SOX6: variants seen among roughly 807,000 people sequenced by gnomAD.
The protein encoded by SOX6 is transcription factor SOX-6.
Under a neutral mutation model 97.8 loss-of-function variants are expected in SOX6, and 11 were observed. The ratio of observed to expected loss-of-function variants is 0.11; its 90% CI spans 0.07 to 0.19. SOX6 has a LOEUF of 0.19. Among genes scored for constraint, SOX6 ranks in the 10% least tolerant of loss-of-function variants. The pLI, the probability that SOX6 is intolerant of heterozygous loss-of-function variation, is 1.00. For missense variants in SOX6, 810 were observed against 1,039.5 expected (o/e 0.78, Z 3.04); for synonymous variants, 360 against 371.4 (o/e 0.97, Z 0.35).
chr11:16,048,067 T>C (rs1462069731), intron 11 of SOX6, among the ~76,000 whole-genome samples: 1 of 152,134 alleles, frequency 6.6e-6, no homozygotes, highest in Non-Finnish European at 1.5e-5. Flanking sequence ...GCAGGGCCTG[T>C]GACTCAGTCA....
intron 4 of SOX6, among the ~76,000 whole-genome samples, chr11:16,561,107 A>C (rs1389962401): frequency 5.3e-5 from 8 of 152,184 alleles, no homozygotes; most frequent in Admixed American, 5.2e-4. Flanking sequence ...GTTCCCAAAA[A>C]ACTATTGAAA....
At chr11:16,581,035 C>T (rs536335320) in intron 4 of SOX6, among the ~76,000 whole-genome samples, 16 of 152,036 alleles carry the variant, frequency 1.1e-4, no homozygotes, top group Non-Finnish European at 1.5e-4. Flanking sequence ...GAAGACAGTG[C>T]GGCGATTCCT....
chr11:16,547,290 A>AT (rs1847632438), intron 4 of SOX6, among the ~76,000 whole-genome samples: 1 of 152,136 alleles, frequency 6.6e-6, no homozygotes. Context: ...GGAAATCAGC[A>AT]TGTCAAAGGG....
In SOX6 at chr11:15,969,737, G is replaced by A. The variant is rs2119736852; in HGVS notation, c.*3072C>T. On this transcript the variant is annotated 3_prime_UTR_variant, in exon 16 of 16. Coordinates refer to ENST00000683767, the MANE Select transcript of SOX6 (RefSeq NM_001367873.1). ...CAATTAGAAAAATCTAAAATGAGATGGTAAAGTCATATAAACTTTGTTTAA... is the reference window on the plus strand; with the variant it reads ...CAATTAGAAAAATCTAAAATGAGATAGTAAAGTCATATAAACTTTGTTTAA... The A allele has an allele frequency of 6.6e-6, 1 of 152,192 alleles. No individual in the cohort carries two copies. The highest frequency in any genetic ancestry group is 2.1e-4 in the South Asian group (1 of 4,822). 9.4% of individuals were successfully genotyped at this position (152,192 alleles called of 1,614,324 possible).
At chr11:16,586,866 A>G (rs1451948957) in intron 4 of SOX6, among the ~76,000 whole-genome samples, 1 of 152,258 alleles carries the variant, frequency 6.6e-6, no homozygotes, top group East Asian at 1.9e-4. Flanking sequence ...GCATTATACC[A>G]TAACTGAAAC....
At chr11:16,307,177 A>C (rs1383228723) in intron 3 of SOX6, among the ~76,000 whole-genome samples, 1 of 152,212 alleles carries the variant, frequency 6.6e-6, no homozygotes, top group South Asian at 2.1e-4. Flanking sequence ...AATGAATGTT[A>C]TTCTAGGCAT....
intron 3 of SOX6, among the ~76,000 whole-genome samples, chr11:16,640,323 T>C (rs1052032485): frequency 7.9e-5 from 12 of 152,370 alleles, no homozygotes; most frequent in African/African-American, 2.9e-4. Flanking sequence ...AGTATTTTAC[T>C]GAGGATTTTT....
intron 4 of SOX6, among the ~76,000 whole-genome samples, chr11:16,523,537 T>A (rs2133163180): frequency 6.6e-6 from 1 of 151,302 alleles, no homozygotes; most frequent in African/African-American, 2.4e-5. Context: ...GCAGGAAAGA[T>A]CTAAAATTGA....
At chr11:16,540,255 C>G (rs1007967911) in intron 4 of SOX6, among the ~76,000 whole-genome samples, 2 of 152,024 alleles carry the variant, frequency 1.3e-5, no homozygotes, top group African/African-American at 2.4e-5. Flanking sequence ...AAAAGGCCTT[C>G]GACGAAATTC....
At chr11:16,085,969 G>A (rs1848568539) in intron 9 of SOX6, among the ~76,000 whole-genome samples, 1 of 152,078 alleles carries the variant, frequency 6.6e-6, no homozygotes, top group Admixed American at 6.6e-5. Flanking sequence ...CATAATTCAG[G>A]CAGTCTCTTA....
intron 3 of SOX6, among the ~76,000 whole-genome samples, chr11:16,668,256 C>T (rs1032173474): frequency 6.8e-6 from 1 of 147,956 alleles, no homozygotes; most frequent in South Asian, 2.3e-4. Context: ...GCCTGTAGTC[C>T]CAACTACTCC....
intron 4 of SOX6, among the ~76,000 whole-genome samples, chr11:16,203,374 G>A (rs1851989505): frequency 6.6e-6 from 1 of 152,098 alleles, no homozygotes; most frequent in South Asian, 2.1e-4. Flanking sequence ...ACATGGCAAG[G>A]AGATGAATGA....
intron 9 of SOX6, among the ~76,000 whole-genome samples, chr11:16,089,132 C>T (rs1848632204): frequency 6.6e-6 from 1 of 152,222 alleles, no homozygotes; most frequent in South Asian, 2.1e-4. Context: ...TAGTTTAAAT[C>T]TTTGCTTCTC....
At chr11:16,634,513 T>C (rs1848755886) in intron 3 of SOX6, among the ~76,000 whole-genome samples, 1 of 152,162 alleles carries the variant, frequency 6.6e-6, no homozygotes, top group Admixed American at 6.5e-5. Context: ...TCCTCACATA[T>C]AAAACTGAGC....
At chr11:16,206,941 T>C (rs1400909778) in intron 4 of SOX6, among the ~76,000 whole-genome samples, 1 of 152,140 alleles carries the variant, frequency 6.6e-6, no homozygotes, top group Non-Finnish European at 1.5e-5. Context: ...AAGTCCAGAC[T>C]TTCCAACATG....
chr11:16,370,375 A>G (rs990932506), intron 1 of SOX6, among the ~76,000 whole-genome samples: 6 of 152,210 alleles, frequency 3.9e-5, no homozygotes, highest in Admixed American at 3.9e-4. Flanking sequence ...TATATCTGGT[A>G]GAGTATAACA....
At chr11:16,725,455 T>C (rs1371218779) in intron 2 of SOX6, among the ~76,000 whole-genome samples, 1 of 151,688 alleles carries the variant, frequency 6.6e-6, no homozygotes, top group African/African-American at 2.4e-5. Context: ...GCAGAGATCA[T>C]GCCACTGCAC....
chr11:16,378,608 A>T (rs1330097628), intron 1 of SOX6, among the ~76,000 whole-genome samples: 1 of 152,092 alleles, frequency 6.6e-6, no homozygotes, highest in African/African-American at 2.4e-5. Flanking sequence ...CATATCACAC[A>T]ACAAAATAAA....
intron 4 of SOX6, among the ~76,000 whole-genome samples, chr11:16,200,521 T>G (rs1851905823): frequency 6.6e-6 from 1 of 152,200 alleles, no homozygotes; most frequent in Non-Finnish European, 1.5e-5. Context: ...AACAATGCAT[T>G]CTTTCCATCA....
Sources: gnomAD v4.1 joint callset for allele counts (sites outside exome capture counted in the v4.1 genomes callset) on GRCh38, gnomAD v4.1.1 for gene constraint, MANE v1.5 for transcripts, NCBI Gene and HGNC (gene_info 2026-07-23, HGNC 2026-07-21) for gene names.